Variants in AREL1 observed in about 807,000 individuals in gnomAD.
The protein encoded by AREL1 is apoptosis-resistant E3 ubiquitin protein ligase 1.
Under a neutral mutation model 99.0 loss-of-function variants are expected in AREL1, and 62 were observed. That is an observed-to-expected ratio of 0.63 (90% confidence interval 0.51 to 0.77). The LOEUF (loss-of-function observed/expected upper bound fraction) is 0.77, where lower values mean the gene tolerates loss of function less well. AREL1 is among the 30% of genes least tolerant of loss of function. AREL1 has a pLI of 0.00. For synonymous variants in AREL1, 380 were observed against 376.5 expected (o/e 1.01, Z -0.11); for missense variants, 879 against 1,027.6 (o/e 0.86, Z 1.98).
chr14:74,676,319 G>A lies in AREL1; in HGVS notation c.654C>T (p.Leu218=), dbSNP rs769586939. ...CAGTACTCTCTTCTTCTTGAGGGCC[G>A]AGCTATAGGAAGGCAACAGAGCATC... ...EHNYTLSIHE[L]GPQEEESTGV... The change falls in exon 7 of 20, where the codon CTC becomes CTT. Residue 218 remains leucine (L), a splice_region_variant and synonymous_variant. Transcript: ENST00000356357. The A allele has an allele frequency of 1.1e-5, 17 of 1,613,558 alleles. No homozygotes were observed. The highest frequency in any genetic ancestry group is 6.7e-5 in the Admixed American group (4 of 59,984).
intron 1 of AREL1, among the ~76,000 whole-genome samples, chr14:74,711,664 C>G (rs537279350): frequency 1.3e-5 from 2 of 152,292 alleles, no homozygotes; most frequent in South Asian, 4.1e-4. Flanking sequence ...CTGGTTTACA[C>G]TCTTCTAGGG....
At chr14:74,708,350 C>G (rs966444931) in intron 1 of AREL1, among the ~76,000 whole-genome samples, 5 of 152,170 alleles carry the variant, frequency 3.3e-5, no homozygotes, top group African/African-American at 9.7e-5. Flanking sequence ...CAGCCTAAAA[C>G]TTTTTAAATA....
At chr14:74,683,099 G>A (rs2089668177) in intron 5 of AREL1, among the ~76,000 whole-genome samples, 197 bp downstream of exon 5, 1 of 152,102 alleles carries the variant, frequency 6.6e-6, no homozygotes, top group Non-Finnish European at 1.5e-5. Context: ...TTCTTTTTGA[G>A]GTGATGAAAA....
chr14:74,694,760 C>T (rs911046612), intron 1 of AREL1, among the ~76,000 whole-genome samples: 8 of 151,866 alleles, frequency 5.3e-5, no homozygotes, highest in African/African-American at 9.7e-5. Context: ...GAGGCTGAAG[C>T]GGGCGGATCA....
chr14:74,667,161 G>A (rs1314507047), intron 17 of AREL1, among the ~76,000 whole-genome samples, 158 bp downstream of exon 17: 1 of 152,050 alleles, frequency 6.6e-6, no homozygotes, highest in Admixed American at 6.6e-5. Context: ...TTTTTTAAAG[G>A]CTGAAGGGTC....
intron 1 of AREL1, among the ~76,000 whole-genome samples, chr14:74,707,300 A>C (rs773063747): frequency 2.0e-5 from 3 of 151,316 alleles, no homozygotes; most frequent in Non-Finnish European, 3.0e-5. Flanking sequence ...CCCAGGAGGC[A>C]GAAGTGGCAG....
Position 74,712,962 on chromosome 14 carries a change from T to G in AREL1, c.-363A>C, listed in dbSNP as rs748423429. 4 of 720,326 alleles carry G rather than the reference T, an allele frequency of 5.6e-6. No individual in the cohort carries two copies. The highest frequency in any genetic ancestry group is 1.0e-5 in the Non-Finnish European group (4 of 401,374). The allele number at this position is 720,326 out of a possible 1,614,324, so 44.6% of individuals were successfully genotyped here. ...GCCGGGGGTTGCAGCGCGACGAAGT[T>G]CCACCTCCGCTGTCCTGGGAAGGGG... On this transcript the variant is annotated 5_prime_UTR_variant, in exon 1 of 20. Coordinates refer to ENST00000356357, the MANE Select transcript of AREL1 (RefSeq NM_001039479.2).
intron 1 of AREL1, among the ~76,000 whole-genome samples, chr14:74,698,258 G>A (rs1233922341): frequency 6.6e-6 from 1 of 151,944 alleles, no homozygotes; most frequent in Non-Finnish European, 1.5e-5. Flanking sequence ...CATTTTAAAT[G>A]ATATTATTTT....
In AREL1 at chr14:74,664,890, A is replaced by G; in HGVS notation, c.2139T>C (p.Ser713=). ...CAACTACTGCATGGGCTTTGAAGTC[A>G]GACACACTGATGTCTCCAGTCCCAC... The part of the protein sequence containing the change: ...LMCGTGDISV[S]DFKAHAVVVG... Residue 713 remains serine (S), a synonymous_variant, in exon 18 of 20, where the codon TCT becomes TCC. Coordinates refer to ENST00000356357, the MANE Select transcript of AREL1 (RefSeq NM_001039479.2). 6.2e-7 allele frequency: 1 copy of G among 1,613,926 alleles called. No homozygotes were observed. Among genetic ancestry groups the G allele is most frequent in the Non-Finnish European group, 8.5e-7 (1 of 1,179,860 alleles).
chr14:74,692,750 T>C (rs2089908855), intron 1 of AREL1, among the ~76,000 whole-genome samples: 1 of 152,280 alleles, frequency 6.6e-6, no homozygotes, highest in East Asian at 1.9e-4. Flanking sequence ...ATCACCCAGG[T>C]TGGAGTGCAG....
At position 74,674,100 on chromosome 14, in the gene AREL1, C is replaced by T; in HGVS notation, c.1092G>A (p.Val364=). ...YCYVSPKQFS[V]KEFYLKIIPW... is the part of the protein sequence containing the mutation. ...GGATGATCTTCAGGTAGAACTCCTT[C>T]ACTGAGAATTGCTGGAGGACCAACA... Residue 364 remains valine, a synonymous_variant, in exon 9 of 20, where the codon GTG becomes GTA. Coordinates refer to ENST00000356357, the MANE Select transcript of AREL1 (RefSeq NM_001039479.2). The T allele has an allele frequency of 6.2e-7, 1 of 1,613,602 alleles. No individual in the cohort carries two copies. Among genetic ancestry groups the T allele is most frequent in the Non-Finnish European group, 8.5e-7 (1 of 1,179,640 alleles).
Position 74,661,568 on chromosome 14 carries a change from C to A in AREL1, c.*2152G>T. The A allele has an allele frequency of 4.4e-6, 1 of 228,222 alleles. No individual in the cohort carries two copies. The highest frequency in any genetic ancestry group is 4.7e-5 in the South Asian group (1 of 21,254). The allele number at this position is 228,222 out of a possible 1,614,324, so 14.1% of individuals were successfully genotyped here. A position where few individuals can be genotyped will look rare whatever the true frequency, so the allele number is the denominator to read the frequency against. Reference sequence around the variant, plus strand: ...TCTCTCATCTCTTTGACATATTGTACCTTTTCCCCACACTGGCTAGTATGA... The same window carrying A: ...TCTCTCATCTCTTTGACATATTGTAACTTTTCCCCACACTGGCTAGTATGA... On this transcript the variant is annotated 3_prime_UTR_variant, in exon 20 of 20. Transcript: ENST00000356357.
rs755959741 is a variant in AREL1 at position 74,675,719 on chromosome 14, A to G, written c.1060T>C (p.Tyr354His). 5 of 1,614,130 alleles carry G rather than the reference A, an allele frequency of 3.1e-6. No individual in the cohort carries two copies. The highest frequency in any genetic ancestry group is 4.2e-6 in the Non-Finnish European group (5 of 1,180,004). The change falls in exon 8 of 20, where the codon TAC becomes CAC. Residue 354 changes from tyrosine (Y) to histidine (H), a missense_variant. By Grantham distance (83) the Tyr-to-His change is moderately conservative. Coordinates refer to ENST00000356357, the MANE Select transcript of AREL1 (RefSeq NM_001039479.2). ...PEKVKKPKKVYCYVSPKQFSV... is the reference protein window; with the variant it reads ...PEKVKKPKKVHCYVSPKQFSV... ...CCAACCTTTGGTGACACATAGCAGT[A>G]CACCTTCTTCGGTTTCTTCACCTTC...
At chr14:74,680,951 G>C (rs2139908114) in intron 5 of AREL1, among the ~76,000 whole-genome samples, 1 of 152,312 alleles carries the variant, frequency 6.6e-6, no homozygotes, top group East Asian at 1.9e-4. Flanking sequence ...GGGAGGCCAA[G>C]GCAGGAGGAT....
intron 1 of AREL1, among the ~76,000 whole-genome samples, chr14:74,702,022 T>C (rs2090094346): frequency 6.6e-6 from 1 of 152,214 alleles, no homozygotes; most frequent in Admixed American, 6.5e-5. Context: ...GCTCCATCCC[T>C]GTGGCTTTGC....
intron 1 of AREL1, among the ~76,000 whole-genome samples, chr14:74,696,022 C>A (rs1051934299): frequency 6.6e-6 from 1 of 152,138 alleles, no homozygotes; most frequent in African/African-American, 2.4e-5. Context: ...TCCTAACAGC[C>A]GCCTGTTTTT....
chr14:74,703,738 A>G (rs904527847), intron 1 of AREL1, among the ~76,000 whole-genome samples: 9 of 152,226 alleles, frequency 5.9e-5, no homozygotes, highest in Non-Finnish European at 1.3e-4. Context: ...TCCATTCACC[A>G]GATGAAGGAC....
At chr14:74,705,854 C>T (rs1372302315) in intron 1 of AREL1, among the ~76,000 whole-genome samples, 1 of 152,026 alleles carries the variant, frequency 6.6e-6, no homozygotes, top group Non-Finnish European at 1.5e-5. Flanking sequence ...TTCAGCTGTC[C>T]CTGGAGTTGT....
intron 15 of AREL1, among the ~76,000 whole-genome samples, chr14:74,668,371 C>T (rs1198206635): frequency 1.3e-5 from 2 of 152,076 alleles, no homozygotes; most frequent in African/African-American, 4.8e-5. Flanking sequence ...GATTTTAAGA[C>T]AACAGCATGG....
Sources: gnomAD v4.1 joint callset for allele counts (sites outside exome capture counted in the v4.1 genomes callset) on GRCh38, gnomAD v4.1.1 for gene constraint, MANE v1.5 for transcripts, NCBI Gene and HGNC (gene_info 2026-07-23, HGNC 2026-07-21) for gene names.